Variants in LMNTD1 observed in about 807,000 individuals in gnomAD.
LMNTD1 encodes the protein lamin tail domain-containing protein 1.
In LMNTD1, 35 loss-of-function variants were observed where a neutral mutation model predicts 50.9. The ratio of observed to expected loss-of-function variants is 0.69; its 90% CI spans 0.53 to 0.91. The LOEUF (loss-of-function observed/expected upper bound fraction) is 0.91. Among genes scored for constraint, LMNTD1 ranks in the 40% least tolerant of loss-of-function variants. The probability of loss-of-function intolerance (pLI) is 0.00; values close to 1 mark genes in which losing one functional copy is unlikely to be tolerated. For missense variants in LMNTD1, 470 were observed against 475.5 expected (o/e 0.99, Z 0.11); for synonymous variants, 153 against 161.9 (o/e 0.94, Z 0.42).
At chr12:25,601,664 A>G (rs532564941) in intron 1 of LMNTD1, among the ~76,000 whole-genome samples, 2 of 152,082 alleles carry the variant, frequency 1.3e-5, no homozygotes, top group African/African-American at 2.4e-5. Flanking sequence ...TCTAAAACAA[A>G]GCTAATGCTT....
chr12:25,496,156 C>T (rs1014787394), intron 9 of LMNTD1, among the ~76,000 whole-genome samples: 9 of 152,108 alleles, frequency 5.9e-5, no homozygotes, highest in Non-Finnish European at 1.0e-4. Context: ...ACTTGTTTCA[C>T]GTGTTCCTAT....
chr12:25,519,475 C>T (rs1941092881), intron 7 of LMNTD1, among the ~76,000 whole-genome samples: 1 of 151,500 alleles, frequency 6.6e-6, no homozygotes, highest in Admixed American at 6.6e-5. Context: ...GTAGTCCCAG[C>T]TACTCATGAG....
rs1009122051 is a variant in LMNTD1, at chr12:25,594,860, A to T, written c.59-48306T>A. ...ACTCACCTAACACATAAGGATGCAC[A>T]TAAACTCAAGGTAAAAAGGTAGAAA... On this transcript the variant is annotated intron_variant, in intron 1 of 7. Transcript: ENST00000445693. Among the ~76,000 whole-genome samples the T allele has an allele frequency of 3.9e-5, 6 of 152,278 alleles. No homozygotes were observed. In the East Asian group the frequency reaches 7.7e-4, roughly 20 times the overall value.
At chr12:25,521,044 T>C (rs1230444544) in intron 6 of LMNTD1, among the ~76,000 whole-genome samples, 1 of 152,216 alleles carries the variant, frequency 6.6e-6, no homozygotes, top group Admixed American at 6.5e-5. Flanking sequence ...TTGCCTGTTT[T>C]CTAAATCAGG....
At chr12:25,528,794 C>A (rs1942003203) in intron 4 of LMNTD1, among the ~76,000 whole-genome samples, 1 of 152,060 alleles carries the variant, frequency 6.6e-6, no homozygotes, top group Non-Finnish European at 1.5e-5. Flanking sequence ...AACTCAGTAC[C>A]CTCATTGTCC....
intron 1 of LMNTD1, among the ~76,000 whole-genome samples, chr12:25,622,355 A>C (rs1946487939): frequency 6.6e-6 from 1 of 152,130 alleles, no homozygotes; most frequent in African/African-American, 2.4e-5. Flanking sequence ...TAAAACAACA[A>C]AACAATGGTA....
At chr12:25,638,927 A>T (rs1026216447) in intron 1 of LMNTD1, among the ~76,000 whole-genome samples, 1 of 152,196 alleles carries the variant, frequency 6.6e-6, no homozygotes, top group Non-Finnish European at 1.5e-5. Flanking sequence ...AAAACTTGCT[A>T]CAAAGAGCAA....
At chr12:25,548,154 A>G (rs1306050535) in intron 3 of LMNTD1, among the ~76,000 whole-genome samples, 2 of 151,878 alleles carry the variant, frequency 1.3e-5, no homozygotes, top group Non-Finnish European at 3.0e-5. Context: ...GAAATTTTAT[A>G]CTTGTCATAC....
chr12:25,481,930 A>C (rs147553784), intron 9 of LMNTD1, among the ~76,000 whole-genome samples: 17 of 151,150 alleles, frequency 1.1e-4, no homozygotes, highest in African/African-American at 3.9e-4. Flanking sequence ...TGGTTGAAAA[A>C]TTTCTCTAGG....
intron 1 of LMNTD1, among the ~76,000 whole-genome samples, chr12:25,599,259 C>T (rs1005854574): frequency 1.3e-5 from 2 of 151,702 alleles, no homozygotes; most frequent in Admixed American, 6.6e-5. Flanking sequence ...ATTCAACATC[C>T]CTTCATGAAA....
At chr12:25,484,774 G>A (rs7957895) in intron 9 of LMNTD1, among the ~76,000 whole-genome samples, 23,672 of 144,394 alleles carry the variant, frequency 0.16, 2,483 homozygotes, top group East Asian at 0.51. Context: ...TTCTTCTTGC[G>A]ATAGTTTACT....
At chr12:25,616,935 T>A (rs959679534) in intron 1 of LMNTD1, among the ~76,000 whole-genome samples, 5 of 152,102 alleles carry the variant, frequency 3.3e-5, no homozygotes, top group African/African-American at 1.2e-4. Flanking sequence ...TACATAAACA[T>A]GGGATTATCA....
At chr12:25,538,746 A>C (rs991249488) in intron 4 of LMNTD1, among the ~76,000 whole-genome samples, 19 of 102,098 alleles carry the variant, frequency 1.9e-4, no homozygotes, top group African/African-American at 5.9e-4. Context: ...ATGTAAATGG[A>C]CTAAATGCCC....
upstream of LMNTD1, among the ~76,000 whole-genome samples, chr12:25,554,181 A>G (rs1463480830): frequency 6.6e-6 from 1 of 152,206 alleles, no homozygotes; most frequent in Non-Finnish European, 1.5e-5. Flanking sequence ...AGGTTTATAA[A>G]TTTTTACTTA....
intron 1 of LMNTD1, among the ~76,000 whole-genome samples, chr12:25,603,377 T>A (rs1396448383): frequency 6.6e-6 from 1 of 152,066 alleles, no homozygotes; most frequent in Non-Finnish European, 1.5e-5. Context: ...CTACTACTGA[T>A]CAGCATGGGA....
intron 1 of LMNTD1, among the ~76,000 whole-genome samples, chr12:25,576,196 G>GTATA (rs1945012736): frequency 6.6e-6 from 1 of 152,162 alleles, no homozygotes; most frequent in Non-Finnish European, 1.5e-5. Flanking sequence ...AATCCTTTGG[G>GTATA]TATATGTCCA....
chr12:25,508,745 T>A (rs1940020282), intron 8 of LMNTD1, among the ~76,000 whole-genome samples: 1 of 152,208 alleles, frequency 6.6e-6, no homozygotes, highest in East Asian at 1.9e-4. Flanking sequence ...ATAGAAGTCA[T>A]CATAAAGAGA....
chr12:25,590,704 G>A (rs1182291553), intron 1 of LMNTD1, among the ~76,000 whole-genome samples: 5 of 152,198 alleles, frequency 3.3e-5, no homozygotes, highest in African/African-American at 7.2e-5. Context: ...CATCTTGAAC[G>A]TCAGCCACAG....
Position 25,630,944 on chromosome 12 carries a change from G to A in LMNTD1, c.58+17550C>T, listed in dbSNP as rs1946704346. On this transcript the variant is annotated intron_variant, in intron 1 of 7. Coordinates refer to the LMNTD1 transcript ENST00000445693. The stretch of plus-strand genomic sequence containing the variant: ...CTGTCTCGCCCACTGGCCAGAAACA[G>A]ACTCAGGGCTCTTAGTCGGGGCAGA... Among the ~76,000 whole-genome samples the A allele has an allele frequency of 5.3e-5, 8 of 152,222 alleles. No individual in the cohort carries two copies. The South Asian group carries it at 1.7e-3, about 32-fold the overall frequency.
Sources: allele counts gnomAD v4.1 joint callset (sites outside exome capture counted in the v4.1 genomes callset), GRCh38; gene constraint gnomAD v4.1.1; transcripts MANE v1.5; gene names NCBI Gene and HGNC (gene_info 2026-07-23, HGNC 2026-07-21).